Variants in PRKAG2 observed in about 807,000 individuals in gnomAD.
PRKAG2 encodes the protein 5'-AMP-activated protein kinase subunit gamma-2.
In PRKAG2, 26 loss-of-function variants were observed where a neutral mutation model predicts 69.6. That is an observed-to-expected ratio of 0.37 (90% CI 0.27 to 0.52). PRKAG2 has a LOEUF of 0.52. PRKAG2 is among the 20% of genes least tolerant of loss of function. The probability of loss-of-function intolerance (pLI) is 0.90; values close to 1 mark genes in which losing one functional copy is unlikely to be tolerated. For missense variants in PRKAG2, 557 were observed against 740.0 expected (o/e 0.75, Z 2.87); for synonymous variants, 293 against 285.0 (o/e 1.03, Z -0.28).
At chr7:151,832,776 C>T (rs2079067904) in intron 1 of PRKAG2, among the ~76,000 whole-genome samples, 1 of 152,168 alleles carries the variant, frequency 6.6e-6, no homozygotes, top group Non-Finnish European at 1.5e-5. Context: ...CATCCTCAGA[C>T]CTTCCCTCCC....
At chr7:151,794,049 A>G (rs1357551556) in intron 1 of PRKAG2, among the ~76,000 whole-genome samples, 2 of 152,078 alleles carry the variant, frequency 1.3e-5, no homozygotes, top group Non-Finnish European at 2.9e-5. Flanking sequence ...TTTCACTCCT[A>G]TGGCCACCCT....
At chr7:151,685,034 C>G (rs1223986307) in intron 3 of PRKAG2, among the ~76,000 whole-genome samples, 2 of 152,188 alleles carry the variant, frequency 1.3e-5, no homozygotes, top group Non-Finnish European at 2.9e-5. Context: ...GAGTCCACTT[C>G]CTCTATAACC....
At chr7:151,601,791 C>T (rs1816138388) in intron 5 of PRKAG2, among the ~76,000 whole-genome samples, 2 of 152,208 alleles carry the variant, frequency 1.3e-5, no homozygotes, top group African/African-American at 4.8e-5. Flanking sequence ...GTGCGAGAGG[C>T]GGGGATGCCG....
rs148715621 is a variant in PRKAG2 at position 151,876,660 on chromosome 7, G to A, written c.-40C>T. On this transcript the variant is annotated 5_prime_UTR_variant, in exon 1 of 16. Transcript: ENST00000287878. Reference sequence around the variant, plus strand: ...GTTGATTCTGCGAAACTCCTCGGGGGTTCGGTCCCCTCCTTCCCTCCCCCG... The same window carrying A: ...GTTGATTCTGCGAAACTCCTCGGGGATTCGGTCCCCTCCTTCCCTCCCCCG... The A allele has an allele frequency of 9.3e-4, 1,466 of 1,581,724 alleles. 9 individuals carry two copies. In the African/African-American group the frequency reaches 0.017, roughly 18 times the overall value.
chr7:151,726,394 A>G (rs994427884), intron 3 of PRKAG2, among the ~76,000 whole-genome samples: 2 of 145,476 alleles, frequency 1.4e-5, no homozygotes, highest in African/African-American at 2.5e-5. Flanking sequence ...ACACACACAC[A>G]CACACACGCA....
chr7:151,865,864 C>CA (rs987244478), intron 1 of PRKAG2, among the ~76,000 whole-genome samples: 6 of 151,998 alleles, frequency 3.9e-5, no homozygotes, highest in Non-Finnish European at 7.4e-5. Context: ...TTAAAAAATA[C>CA]AAAAAATTAG....
chr7:151,745,893 A>G (rs1181918081), intron 3 of PRKAG2, among the ~76,000 whole-genome samples: 1 of 152,172 alleles, frequency 6.6e-6, no homozygotes, highest in African/African-American at 2.4e-5. Context: ...CTCAGTGTCC[A>G]AGAGCACACC....
intron 3 of PRKAG2, among the ~76,000 whole-genome samples, chr7:151,749,776 C>T (rs2074539612): frequency 7.2e-6 from 1 of 139,340 alleles, no homozygotes; most frequent in Non-Finnish European, 1.5e-5. Flanking sequence ...TCCTCTAGGA[C>T]AACCACACTG....
At chr7:151,597,824 C>CA (rs1196687535) in intron 5 of PRKAG2, among the ~76,000 whole-genome samples, 2 of 148,146 alleles carry the variant, frequency 1.4e-5, no homozygotes, top group South Asian at 2.3e-4. Context: ...AAGGGAGCCC[C>CA]CCCCCCCGCT....
intron 3 of PRKAG2, among the ~76,000 whole-genome samples, chr7:151,754,235 C>G (rs565014296): frequency 5.2e-4 from 79 of 152,372 alleles, no homozygotes; most frequent in African/African-American, 1.8e-3. Context: ...CAGGCCAGCC[C>G]TGGCTGGGGA....
chr7:151,737,796 C>T (rs976330451), intron 3 of PRKAG2, among the ~76,000 whole-genome samples: 10 of 152,198 alleles, frequency 6.6e-5, no homozygotes, highest in Non-Finnish European at 1.5e-5. Context: ...GCTCCACACT[C>T]GGGCAACAGG....
chr7:151,768,747 G>A lies in PRKAG2; in HGVS notation c.466+12405C>T, dbSNP rs1017878678. 3.9e-5 allele frequency among the ~76,000 whole-genome samples: 6 copies of A among 152,242 alleles called. No homozygotes were observed. The East Asian group carries it at 5.8e-4, about 15-fold the overall frequency. ...CTCCCAAAGGGCTGAGATTGTAGGC[G>A]TGAGCCACTGCACCTGGCCAGTCTT... is the stretch of plus-strand genomic sequence containing the variant. On this transcript the variant is annotated intron_variant, in intron 3 of 15. Coordinates refer to ENST00000287878, the MANE Select transcript of PRKAG2 (RefSeq NM_016203.4).
chr7:151,579,933 C>T (rs943563157), intron 6 of PRKAG2, among the ~76,000 whole-genome samples: 1 of 152,130 alleles, frequency 6.6e-6, no homozygotes, highest in Non-Finnish European at 1.5e-5. Context: ...AAAAAACCTG[C>T]CAATCTAGGT....
At chr7:151,725,292 A>G (rs1797754337) in intron 3 of PRKAG2, among the ~76,000 whole-genome samples, 1 of 152,160 alleles carries the variant, frequency 6.6e-6, no homozygotes, top group Non-Finnish European at 1.5e-5. Context: ...GCCAGTCACA[A>G]ACAAATACTG....
rs181802062 is a variant in PRKAG2, at chr7:151,848,805, G to A, written c.114+27702C>T. ...CTCCCAAAGTGCTGGGATCACAGGCGTGAGCCACCGCACCCAGCCTACTGC... is the reference window on the plus strand; with the variant it reads ...CTCCCAAAGTGCTGGGATCACAGGCATGAGCCACCGCACCCAGCCTACTGC... On this transcript the variant is annotated intron_variant, in intron 1 of 15. Transcript: ENST00000287878. Among the ~76,000 whole-genome samples, 59 of 152,240 alleles carry A rather than the reference G, an allele frequency of 3.9e-4. No homozygotes were observed. The East Asian group carries it at 9.5e-3, about 24-fold the overall frequency.
intron 3 of PRKAG2, among the ~76,000 whole-genome samples, chr7:151,776,214 A>G (rs891531785): frequency 6.6e-6 from 1 of 152,104 alleles, no homozygotes; most frequent in African/African-American, 2.4e-5. Context: ...TGAACTCCCC[A>G]TCCCAGGGGG....
intron 2 of PRKAG2, among the ~76,000 whole-genome samples, chr7:151,784,664 C>G (rs909475912): frequency 3.3e-5 from 5 of 152,172 alleles, no homozygotes; most frequent in Admixed American, 6.5e-5. Context: ...GAGCCATGAG[C>G]CCCTGGAGAA....
intron 1 of PRKAG2, among the ~76,000 whole-genome samples, chr7:151,858,320 C>A (rs2079835800): frequency 6.6e-6 from 1 of 152,228 alleles, no homozygotes; most frequent in Non-Finnish European, 1.5e-5. Context: ...CCCAGCTGGC[C>A]CATTGAAGAG....
intron 3 of PRKAG2, among the ~76,000 whole-genome samples, chr7:151,688,903 T>C (rs916172189): frequency 9.2e-5 from 14 of 152,062 alleles, no homozygotes; most frequent in Non-Finnish European, 2.9e-5. Flanking sequence ...GTTCACGTGG[T>C]TCCCCTCTCC....
Sources: gnomAD v4.1 joint callset for allele counts (sites outside exome capture counted in the v4.1 genomes callset) on GRCh38, gnomAD v4.1.1 for gene constraint, MANE v1.5 for transcripts, NCBI Gene and HGNC (gene_info 2026-07-23, HGNC 2026-07-21) for gene names.